The following STAG1 variants were observed in gnomAD, a reference collection of about 807,000 sequenced individuals.
STAG1 encodes the protein STAG1 cohesin complex component.
In STAG1, 26 loss-of-function variants were observed where a neutral mutation model predicts 170.9. The observed-to-expected ratio is 0.15, with a 90% CI of 0.11 to 0.21. The LOEUF (loss-of-function observed/expected upper bound fraction) is 0.21, where lower values mean the gene tolerates loss of function less well. STAG1 is among the 10% of genes least tolerant of loss of function. STAG1 has a pLI of 1.00. For missense variants in STAG1, 964 were observed against 1,509.5 expected (o/e 0.64, Z 5.99); for synonymous variants, 514 against 497.7 (o/e 1.03, Z -0.44).
intron 9 of STAG1, among the ~76,000 whole-genome samples, chr3:136,487,602 T>C (rs1467845950): frequency 6.6e-6 from 1 of 152,240 alleles, no homozygotes; most frequent in Non-Finnish European, 1.5e-5. Flanking sequence ...CTTTGGGTTC[T>C]AGTGCTCCAA....
At chr3:136,712,239 ATC>A (rs1403877078) in intron 1 of STAG1, among the ~76,000 whole-genome samples, 1 of 152,052 alleles carries the variant, frequency 6.6e-6, no homozygotes, top group East Asian at 1.9e-4. Context: ...GATGGTCTCG[ATC>A]TCCTGACCTC....
intron 29 of STAG1, among the ~76,000 whole-genome samples, chr3:136,347,790 T>C (rs1936289404): frequency 6.6e-6 from 1 of 152,246 alleles, no homozygotes. Flanking sequence ...GTACTGTGTG[T>C]ATACTAAGTA....
At chr3:136,579,057 CT>C (rs1437856847) in intron 4 of STAG1, among the ~76,000 whole-genome samples, 7 of 152,188 alleles carry the variant, frequency 4.6e-5, no homozygotes, top group African/African-American at 1.7e-4. Flanking sequence ...TCTATTACAT[CT>C]TCATTTAACT....
chr3:136,451,698 G>A (rs1327991846), intron 14 of STAG1, among the ~76,000 whole-genome samples: 1 of 152,034 alleles, frequency 6.6e-6, no homozygotes, highest in Non-Finnish European at 1.5e-5. Flanking sequence ...GGGAGGCAGA[G>A]GCTGCAGTGA....
intron 1 of STAG1, among the ~76,000 whole-genome samples, chr3:136,685,532 C>T (rs1942489515): frequency 6.6e-6 from 1 of 152,212 alleles, no homozygotes; most frequent in Admixed American, 6.5e-5. Context: ...AGCAACTTTA[C>T]ACACAACTGA....
chr3:136,680,568 C>A (rs1477624234), intron 1 of STAG1, among the ~76,000 whole-genome samples: 1 of 151,726 alleles, frequency 6.6e-6, no homozygotes, highest in Non-Finnish European at 1.5e-5. Flanking sequence ...AAGTTGAAAA[C>A]CAAGTCAAAA....
chr3:136,560,913 C>T (rs544710917), intron 5 of STAG1, among the ~76,000 whole-genome samples: 5 of 151,950 alleles, frequency 3.3e-5, no homozygotes, highest in South Asian at 4.2e-4. Context: ...CACTTCTAGC[C>T]GGGAACTTGG....
intron 9 of STAG1, among the ~76,000 whole-genome samples, chr3:136,484,364 T>G (rs199728867): frequency 0.75 from 104,568 of 139,984 alleles, 39,283 homozygotes; most frequent in East Asian, 0.86. Flanking sequence ...GCCCCTGCTG[T>G]GGGGTGTCTC....
At chr3:136,659,752 AAGG>A (rs745718241) in intron 1 of STAG1, among the ~76,000 whole-genome samples, 4 of 152,376 alleles carry the variant, frequency 2.6e-5, no homozygotes, top group Non-Finnish European at 2.9e-5. Context: ...TGATACAGTA[AAGG>A]AGAAGAATAA....
At chr3:136,656,183 A>G (rs1203131336) in intron 1 of STAG1, among the ~76,000 whole-genome samples, 1 of 152,156 alleles carries the variant, frequency 6.6e-6, no homozygotes, top group Non-Finnish European at 1.5e-5. Flanking sequence ...AAAACACCAA[A>G]TACTGTATGA....
intron 23 of STAG1, among the ~76,000 whole-genome samples, chr3:136,372,774 A>T (rs572202226): frequency 6.6e-6 from 1 of 152,166 alleles, no homozygotes; most frequent in African/African-American, 2.4e-5. Context: ...GCATTTTTGC[A>T]TCAATGTTCA....
At chr3:136,702,104 AG>A (rs1559960190) in intron 1 of STAG1, among the ~76,000 whole-genome samples, 1 of 102,900 alleles carries the variant, frequency 9.7e-6, no homozygotes, top group Non-Finnish European at 1.9e-5. Flanking sequence ...AGAGAGAGAG[AG>A]AGAGAGAGAG....
intron 4 of STAG1, among the ~76,000 whole-genome samples, chr3:136,589,839 G>A (rs1056910363): frequency 1.3e-5 from 2 of 151,044 alleles, no homozygotes; most frequent in African/African-American, 4.9e-5. Context: ...GCTGAGGCAG[G>A]AGGATCGCCT....
intron 15 of STAG1, among the ~76,000 whole-genome samples, chr3:136,438,033 G>A (rs1399865970): frequency 6.6e-6 from 1 of 152,158 alleles, no homozygotes; most frequent in Non-Finnish European, 1.5e-5. Context: ...GATGAGATAA[G>A]TTCACTTATA....
At chr3:136,687,160 CATT>C (rs969763278) in intron 1 of STAG1, among the ~76,000 whole-genome samples, 5 of 152,170 alleles carry the variant, frequency 3.3e-5, no homozygotes, top group African/African-American at 1.2e-4. Flanking sequence ...TTGACTGAGA[CATT>C]ATGTTGTCCA....
At chr3:136,642,333 G>A (rs1175919983) in intron 1 of STAG1, among the ~76,000 whole-genome samples, 4 of 129,368 alleles carry the variant, frequency 3.1e-5, no homozygotes, top group East Asian at 2.6e-4. Context: ...GTACAGTAGC[G>A]CGATCTTAGC....
chr3:136,720,172 G>A (rs1177069302), intron 1 of STAG1, among the ~76,000 whole-genome samples: 6 of 131,776 alleles, frequency 4.6e-5, no homozygotes, highest in East Asian at 2.2e-4. Flanking sequence ...GCGAAATTCC[G>A]TCTCAAAAAA....
chr3:136,728,237 T>G (rs1933799689), intron 1 of STAG1, among the ~76,000 whole-genome samples: 2 of 152,202 alleles, frequency 1.3e-5, no homozygotes, highest in Admixed American at 1.3e-4. Flanking sequence ...AGTCCATGAT[T>G]AGAATCAAGT....
At chr3:136,526,990 G>A (rs1935065275) in intron 6 of STAG1, among the ~76,000 whole-genome samples, 1 of 152,094 alleles carries the variant, frequency 6.6e-6, no homozygotes, top group African/African-American at 2.4e-5. Flanking sequence ...TTCCCTTTGT[G>A]GGTAACCCGA....
Sources: gnomAD v4.1 joint callset for allele counts (sites outside exome capture counted in the v4.1 genomes callset) on GRCh38, gnomAD v4.1.1 for gene constraint, MANE v1.5 for transcripts, NCBI Gene and HGNC (gene_info 2026-07-23, HGNC 2026-07-21) for gene names.